Variants in PRLR observed in about 807,000 individuals in gnomAD.
The protein encoded by PRLR is hPRL receptor.
Under a neutral mutation model 40.2 loss-of-function variants are expected in PRLR, and 13 were observed. That is an observed-to-expected ratio of 0.32 (90% CI 0.21 to 0.51). PRLR has a LOEUF of 0.51. Ranked by LOEUF, PRLR falls within the 20% of genes least tolerant of loss-of-function variation. The pLI is 0.97. For missense variants in PRLR, 656 were observed against 747.3 expected, an observed-to-expected ratio of 0.88 and a Z score of 1.42; for synonymous variants, 269 against 278.7, an observed-to-expected ratio of 0.97 and a Z score of 0.35.
At chr5:35,200,186 T>C (rs1775841634) in intron 1 of PRLR, among the ~76,000 whole-genome samples, 1 of 152,198 alleles carries the variant, frequency 6.6e-6, no homozygotes, top group Admixed American at 6.5e-5. Flanking sequence ...AGACTTATCT[T>C]GTGGTTTAGA....
chr5:35,187,210 G>A (rs1775464633), intron 1 of PRLR, among the ~76,000 whole-genome samples: 1 of 152,226 alleles, frequency 6.6e-6, no homozygotes, highest in Admixed American at 6.5e-5. Context: ...AGACCAGTCT[G>A]GCCAACATGG....
intron 1 of PRLR, among the ~76,000 whole-genome samples, chr5:35,143,412 C>T (rs1029418283): frequency 6.6e-5 from 10 of 152,170 alleles, no homozygotes; most frequent in African/African-American, 2.2e-4. Flanking sequence ...CTTCTGGAAA[C>T]GATAGGTAAA....
At chr5:35,204,641 G>A (rs1474376780) in intron 1 of PRLR, among the ~76,000 whole-genome samples, 1 of 152,134 alleles carries the variant, frequency 6.6e-6, no homozygotes, top group Non-Finnish European at 1.5e-5. Flanking sequence ...AAATACATTT[G>A]TGAGAATCAA....
rs1330236707 is a variant in PRLR at position 35,058,054 on chromosome 5, C to T, written c.*7035G>A. ...TATTCTTTCTGAATCTTTCTTGCAG[C>T]CGGTTTTTATAAAATATAAACATGT... On this transcript the variant is annotated 3_prime_UTR_variant, in exon 10 of 10. Transcript: ENST00000618457. 1 of 151,806 alleles carries T rather than the reference C, an allele frequency of 6.6e-6. No homozygotes were observed. The highest frequency in any genetic ancestry group is 1.5e-5 in the Non-Finnish European group (1 of 67,964). 9.4% of individuals were successfully genotyped at this position (151,806 alleles called of 1,614,324 possible).
At chr5:35,094,824 CTTTT>C (rs143791323) in intron 2 of PRLR, among the ~76,000 whole-genome samples, 2 of 113,984 alleles carry the variant, frequency 1.8e-5, no homozygotes, top group South Asian at 2.9e-4. Flanking sequence ...AGGAGTTGGG[CTTTT>C]TTTTTTTTTT....
intron 5 of PRLR, among the ~76,000 whole-genome samples, chr5:35,076,356 T>C (rs1304206096): frequency 6.6e-6 from 1 of 152,126 alleles, no homozygotes; most frequent in Non-Finnish European, 1.5e-5. Context: ...TTAAATGACC[T>C]GATAAAGCTG....
chr5:35,084,710 C>G, intron 4 of PRLR, 71 bp from the exon 5 acceptor site: 1 of 1,422,770 alleles, frequency 7.0e-7, no homozygotes, highest in Non-Finnish European at 9.6e-7. Context: ...CTTCATAGAT[C>G]AATACCACTG....
At chr5:35,216,369 A>G (rs1397756406) in intron 1 of PRLR, among the ~76,000 whole-genome samples, 2 of 152,166 alleles carry the variant, frequency 1.3e-5, no homozygotes, top group African/African-American at 4.8e-5. Context: ...GGGGTCTGAC[A>G]GAAGAAAATA....
rs1196310677 is a variant in PRLR at position 35,065,212 on chromosome 5, T to A, written c.1746A>T (p.Ser582=). ...FEESAKEAPP[S]LEQNQAEKAL... ...CTTTCTCAGCTTGATTCTGTTCAAG[T>A]GATGGTGGGGCCTCTTTGGCTGATT... Residue 582 remains serine, a synonymous_variant, in exon 10 of 10, where the codon TCA becomes TCT. Coordinates refer to ENST00000618457, the MANE Select transcript of PRLR (RefSeq NM_000949.7). 6.2e-7 allele frequency: 1 copy of A among 1,614,186 alleles called. No individual in the cohort carries two copies. Among genetic ancestry groups the A allele is most frequent in the Non-Finnish European group, 8.5e-7 (1 of 1,180,034 alleles).
intron 1 of PRLR, among the ~76,000 whole-genome samples, chr5:35,149,048 G>T (rs1021244998): frequency 6.6e-6 from 1 of 152,094 alleles, no homozygotes; most frequent in African/African-American, 2.4e-5. Context: ...GAGAAATACA[G>T]CTTTAGGCTG....
intron 1 of PRLR, among the ~76,000 whole-genome samples, chr5:35,167,527 G>T (rs894319812): frequency 1.3e-5 from 2 of 152,044 alleles, no homozygotes; most frequent in Non-Finnish European, 2.9e-5. Flanking sequence ...CCAAAAGGAG[G>T]TGTTCATGGA....
At chr5:35,055,030 A>T (rs1161446298), downstream of PRLR, among the ~76,000 whole-genome samples, 2 of 152,212 alleles carry the variant, frequency 1.3e-5, no homozygotes, top group South Asian at 2.1e-4. Context: ...AAAGATTTGG[A>T]TGTGGGTAAA....
intron 2 of PRLR, among the ~76,000 whole-genome samples, chr5:35,108,131 T>G (rs1772395504): frequency 6.6e-6 from 1 of 152,190 alleles, no homozygotes; most frequent in African/African-American, 2.4e-5. Flanking sequence ...AACCACATGA[T>G]TATCTCAATA....
At chr5:35,168,721 C>A (rs1774914555) in intron 1 of PRLR, among the ~76,000 whole-genome samples, 1 of 151,986 alleles carries the variant, frequency 6.6e-6, no homozygotes, top group African/African-American at 2.4e-5. Context: ...TCTTTGTGAA[C>A]AAAAATCATG....
At position 35,066,144 on chromosome 5, in the gene PRLR, A is replaced by G. The variant is rs1769359165; in HGVS notation, c.856-42T>C. On this transcript the variant is annotated intron_variant, in intron 9 of 9. Coordinates refer to ENST00000618457, the MANE Select transcript of PRLR (RefSeq NM_000949.7). The stretch of plus-strand genomic sequence containing the variant: ...ACAAGAAGAGATGGCTGTTAGCTTC[A>G]TAACATTCCAAATCAGCATCCCTGC... 1.9e-6 allele frequency: 3 copies of G among 1,555,000 alleles called. No homozygotes were observed. In the East Asian group the frequency reaches 6.8e-5, roughly 35 times the overall value.
At chr5:35,205,997 T>C (rs1032470058) in intron 1 of PRLR, among the ~76,000 whole-genome samples, 2 of 152,150 alleles carry the variant, frequency 1.3e-5, no homozygotes, top group Non-Finnish European at 2.9e-5. Flanking sequence ...TGAACAAAAT[T>C]GTCTAACAAG....
rs1263757483 is a variant in PRLR, at chr5:35,064,876, A to G, written c.*213T>C. On this transcript the variant is annotated 3_prime_UTR_variant, in exon 10 of 10. Coordinates refer to ENST00000618457, the MANE Select transcript of PRLR (RefSeq NM_000949.7). ...AACACATAGTTTTATAACTAACAGC[A>G]AAAAGTAAATCTACAAATCACAGTT... is the stretch of plus-strand genomic sequence containing the variant. The G allele has an allele frequency of 1.7e-6, 1 of 591,982 alleles. No individual in the cohort carries two copies. Among genetic ancestry groups the G allele is most frequent in the East Asian group, 2.9e-5 (1 of 34,046 alleles). 36.7% of individuals were successfully genotyped at this position (591,982 alleles called of 1,614,324 possible).
intron 1 of PRLR, among the ~76,000 whole-genome samples, chr5:35,182,225 G>T (rs560715265): frequency 2.0e-5 from 3 of 152,254 alleles, no homozygotes; most frequent in Non-Finnish European, 4.4e-5. Flanking sequence ...AGAAACTGAG[G>T]CACTGATTCT....
At chr5:35,049,190 GAC>G (rs1284378302) in exon 9 of PRLR, 1 of 700,678 alleles carries the variant, frequency 1.4e-6, no homozygotes, top group Non-Finnish European at 2.6e-6. Context: ...GAGGCCAGTG[GAC>G]ACACAGCATC....
Sources: allele counts gnomAD v4.1 joint callset (sites outside exome capture counted in the v4.1 genomes callset), GRCh38; gene constraint gnomAD v4.1.1; transcripts MANE v1.5; gene names NCBI Gene and HGNC (gene_info 2026-07-23, HGNC 2026-07-21).